STAT1: variants seen among roughly 807,000 people sequenced by gnomAD.
STAT1 encodes the protein signal transducer and activator of transcription 1-alpha/beta.
In STAT1, 24 loss-of-function variants were observed where a neutral mutation model predicts 111.7. The ratio of observed to expected loss-of-function variants is 0.21; its 90% CI spans 0.16 to 0.30. The LOEUF (loss-of-function observed/expected upper bound fraction) is 0.30, where lower values mean the gene tolerates loss of function less well. STAT1 is among the 10% of genes least tolerant of loss of function. The probability of loss-of-function intolerance (pLI) is 1.00; values close to 1 mark genes in which losing one functional copy is unlikely to be tolerated. For missense variants in STAT1, 351 were observed against 911.9 expected, an observed-to-expected ratio of 0.38 and a Z score of 7.92; for synonymous variants, 332 against 326.5, an observed-to-expected ratio of 1.02 and a Z score of -0.18.
rs142788145 is a variant in STAT1 at position 190,982,856 on chromosome 2, C to T, written c.1447-338G>A. On this transcript the variant is annotated intron_variant, in intron 17 of 24. Coordinates refer to ENST00000361099, the MANE Select transcript of STAT1 (RefSeq NM_007315.4). The surrounding 1 kb of genome is among the most constrained non-coding windows in gnomAD (Gnocchi z 7.3). ...AACTGAAGCCAAACAAAATGACACT[C>T]GCTTCCTGTTTCACCTCTCATAAGA... is the stretch of plus-strand genomic sequence containing the variant. 9.2e-5 allele frequency among the ~76,000 whole-genome samples: 14 copies of T among 152,292 alleles called. No homozygotes were observed. The East Asian group carries it at 1.5e-3, about 17-fold the overall frequency.
rs992307159 is a variant in STAT1 at position 190,987,311 on chromosome 2, C to G, written c.1098-243G>C. ...CTGGGCCTTACATTGTTCATTTGCA[C>G]AACATACTAACAGTGCCAACATATA... On this transcript the variant is annotated intron_variant, in intron 12 of 24. Transcript: ENST00000361099. This position sits in a 1 kb window ranked among gnomAD's most constrained non-coding sequence, Gnocchi z 4.0. 6.6e-6 allele frequency among the ~76,000 whole-genome samples: 1 copy of G among 152,126 alleles called. No homozygotes were observed.
Position 190,975,251 on chromosome 2 carries a change from G to A in STAT1, c.2136-319C>T, listed in dbSNP as rs886430032. The stretch of plus-strand genomic sequence containing the variant: ...CACTACCCTGAGATGACAATGCCTC[G>A]TGGCTTACCCTGGACAGAAAAGCAC... On this transcript the variant is annotated intron_variant, in intron 23 of 24. Coordinates refer to ENST00000361099, the MANE Select transcript of STAT1 (RefSeq NM_007315.4). The surrounding 1 kb of genome is among the most constrained non-coding windows in gnomAD (Gnocchi z 5.9). 9 of 457,200 alleles carry A rather than the reference G, an allele frequency of 2.0e-5. No individual in the cohort carries two copies. Among genetic ancestry groups the A allele is most frequent in the African/African-American group, 8.1e-5 (4 of 49,310 alleles). The allele number at this position is 457,200 out of a possible 1,614,324, so 28.3% of individuals were successfully genotyped here.
Position 190,978,243 on chromosome 2 carries a change from A to AT in STAT1, c.1873+612dup, listed in dbSNP as rs1336524831. Among the ~76,000 whole-genome samples, 9 of 152,168 alleles carry AT rather than the reference A, an allele frequency of 5.9e-5. No individual in the cohort carries two copies. The highest frequency in any genetic ancestry group is 1.7e-4 in the African/African-American group (7 of 41,418). On this transcript the variant is annotated intron_variant, in intron 21 of 24. Coordinates refer to ENST00000361099, the MANE Select transcript of STAT1 (RefSeq NM_007315.4). This position sits in a 1 kb window ranked among gnomAD's most constrained non-coding sequence, Gnocchi z 6.1. ...GAAAAGTAATCAGTTGGTCTTTATG[A>AT]TTTTTTCATTTACGCTGTTGAGCTT...
Position 190,984,883 on chromosome 2 carries a change from T to C in STAT1, c.1264-490A>G, listed in dbSNP as rs757005283. Among the ~76,000 whole-genome samples the C allele has an allele frequency of 2.6e-5, 4 of 152,210 alleles. No homozygotes were observed. The highest frequency in any genetic ancestry group is 5.9e-5 in the Non-Finnish European group (4 of 68,036). On this transcript the variant is annotated intron_variant, in intron 15 of 24. Coordinates refer to ENST00000361099, the MANE Select transcript of STAT1 (RefSeq NM_007315.4). The surrounding 1 kb of genome is among the most constrained non-coding windows in gnomAD (Gnocchi z 5.2). ...AAGTGCCTTCATAAGCATTACCTCA[T>C]GTGAGCCTCACAACTTAGAACTAGA...
chr2:190,999,009 AAT>A lies in STAT1; in HGVS notation c.541+615_541+616del, dbSNP rs1270483514. On this transcript the variant is annotated intron_variant, in intron 7 of 24. Transcript: ENST00000361099. The surrounding 1 kb of genome is among the most constrained non-coding windows in gnomAD (Gnocchi z 4.1). The stretch of plus-strand genomic sequence containing the variant: ...GAACCATGGTATACCCCAGATGATG[AAT>A]AGAGTAACAGCAGTACCCTACGTGT... Among the ~76,000 whole-genome samples the A allele has an allele frequency of 6.6e-6, 1 of 152,178 alleles. No homozygotes were observed. The highest frequency in any genetic ancestry group is 2.4e-5 in the African/African-American group (1 of 41,440).
chr2:190,988,758 G>A (rs1471175492), intron 12 of STAT1, among the ~76,000 whole-genome samples: 1 of 152,138 alleles, frequency 6.6e-6, no homozygotes, highest in Non-Finnish European at 1.5e-5. Flanking sequence ...GGAAGACAAG[G>A]CACAGACCAT....
At chr2:191,009,228 T>A (rs1222663850) in intron 3 of STAT1, 121 bp from the exon 4 acceptor site, 4 of 1,258,904 alleles carry the variant, frequency 3.2e-6, no homozygotes. Context: ...TTCTTAGGTT[T>A]ATTTTCTTCT....
At position 191,004,953 on chromosome 2, in the gene STAT1, A is replaced by C. The variant is rs1288089303; in HGVS notation, c.372+2610T>G. ...GCTTTTTCACCACAAAGAAAAAAAG[A>C]AAGAAAAAAACTTAGTGTGCTGTAA... On this transcript the variant is annotated intron_variant, in intron 5 of 24. Transcript: ENST00000361099. The surrounding 1 kb of genome is among the most constrained non-coding windows in gnomAD (Gnocchi z 5.0). 2.6e-5 allele frequency among the ~76,000 whole-genome samples: 4 copies of C among 152,250 alleles called. No homozygotes were observed. The highest frequency in any genetic ancestry group is 4.4e-5 in the Non-Finnish European group (3 of 68,036).
chr2:190,976,728 C>T lies in STAT1; in HGVS notation c.2059+112G>A, dbSNP rs184928793. 4.6e-5 allele frequency: 42 copies of T among 910,036 alleles called. No individual in the cohort carries two copies. The African/African-American group carries it at 6.7e-4, about 14-fold the overall frequency. The allele number at this position is 910,036 out of a possible 1,614,324, so 56.4% of individuals were successfully genotyped here. A position where few individuals can be genotyped will look rare whatever the true frequency, so the allele number is the denominator to read the frequency against. On this transcript the variant is annotated intron_variant, in intron 22 of 24. Transcript: ENST00000361099. The surrounding 1 kb of genome is among the most constrained non-coding windows in gnomAD (Gnocchi z 6.0). Reference sequence around the variant, plus strand: ...CTGAGTTTATGCCATCTTTTGAAAGCCTACTCTTACCAATTCGAAAGCAAA... The same window carrying T: ...CTGAGTTTATGCCATCTTTTGAAAGTCTACTCTTACCAATTCGAAAGCAAA...
chr2:190,978,505 C>A lies in STAT1; in HGVS notation c.1873+351G>T. ...TCTGCACACTCTACTCTGGGATGAC[C>A]CTAAGAGAATGTGGATGCTTACTCC... On this transcript the variant is annotated intron_variant, in intron 21 of 24. Coordinates refer to ENST00000361099, the MANE Select transcript of STAT1 (RefSeq NM_007315.4). The surrounding 1 kb of genome is among the most constrained non-coding windows in gnomAD (Gnocchi z 6.1). 1 of 365,874 alleles carries A rather than the reference C, an allele frequency of 2.7e-6. No homozygotes were observed. Among genetic ancestry groups the A allele is most frequent in the South Asian group, 2.2e-5 (1 of 46,422 alleles). The allele number at this position is 365,874 out of a possible 1,614,324, so 22.7% of individuals were successfully genotyped here.
chr2:190,975,854 C>G lies in STAT1; in HGVS notation c.2093G>C (p.Gly698Ala), dbSNP rs978375887. The G allele has an allele frequency of 6.2e-7, 1 of 1,614,024 alleles. No homozygotes were observed. The highest frequency in any genetic ancestry group is 1.3e-5 in the African/African-American group (1 of 74,908). The change falls in exon 23 of 25, where the codon GGA becomes GCA. Residue 698 changes from glycine to alanine, a missense_variant. Coordinates refer to ENST00000361099, the MANE Select transcript of STAT1 (RefSeq NM_007315.4). The surrounding 1 kb of genome is among the most constrained non-coding windows in gnomAD (Gnocchi z 5.9). ...PEPMELDGPK[G>A]TGYIKTELIS... is the part of the protein sequence containing the mutation. ...CAACTCAGTCTTGATATATCCAGTT[C>G]CTTTAGGGCCATCAAGTTCCATTGG...
rs1201881287 is a variant in STAT1 at position 191,013,593 on chromosome 2, G to A, written c.-70C>T. 2 of 398,474 alleles carry A rather than the reference G, an allele frequency of 5.0e-6. No homozygotes were observed. Among genetic ancestry groups the A allele is most frequent in the African/African-American group, 4.1e-5 (2 of 48,614 alleles). The allele number at this position is 398,474 out of a possible 1,614,324, so 24.7% of individuals were successfully genotyped here. On this transcript the variant is annotated 5_prime_UTR_variant, in exon 2 of 25. Transcript: ENST00000361099. Reference sequence around the variant, plus strand: ...GGAGCAGCTACGCACAGCACGTTAGGTGCCAAGACTGTCGAGGTTATATAC... The same window carrying A: ...GGAGCAGCTACGCACAGCACGTTAGATGCCAAGACTGTCGAGGTTATATAC...
Position 190,984,430 on chromosome 2 carries a change from T to G in STAT1, c.1264-37A>C. On this transcript the variant is annotated intron_variant, in intron 15 of 24. Coordinates refer to ENST00000361099, the MANE Select transcript of STAT1 (RefSeq NM_007315.4). This position sits in a 1 kb window ranked among gnomAD's most constrained non-coding sequence, Gnocchi z 5.2. ...AAAGGAAAGAAGAAAAGAATATAAT[T>G]ATTCACAGATCCTAAAACTTTCAAA... 5 of 1,538,908 alleles carry G rather than the reference T, an allele frequency of 3.2e-6. No individual in the cohort carries two copies. The highest frequency in any genetic ancestry group is 4.5e-6 in the Non-Finnish European group (5 of 1,114,136).
chr2:191,009,433 A>G (rs1694960688), intron 3 of STAT1, among the ~76,000 whole-genome samples: 1 of 55,638 alleles, frequency 1.8e-5, no homozygotes, highest in Non-Finnish European at 6.9e-5. Context: ...ATTAGCAAAT[A>G]ATAAATTTTA....
chr2:191,012,406 A>C lies in STAT1; in HGVS notation c.-2+1119T>G. On this transcript the variant is annotated intron_variant, in intron 2 of 24. Transcript: ENST00000361099. The surrounding 1 kb of genome is among the most constrained non-coding windows in gnomAD (Gnocchi z 4.0). Reference sequence around the variant, plus strand: ...ACTCCAGCCTGGGAGACAGAGAGAGACTCTGTCTCTAAAAAAAAAAAACAA... The same window carrying C: ...ACTCCAGCCTGGGAGACAGAGAGAGCCTCTGTCTCTAAAAAAAAAAAACAA... Among the ~76,000 whole-genome samples, 1 of 142,244 alleles carries C rather than the reference A, an allele frequency of 7.0e-6. No individual in the cohort carries two copies. Among genetic ancestry groups the C allele is most frequent in the African/African-American group, 2.8e-5 (1 of 36,050 alleles). The allele number at this position is 142,244 out of a possible 152,430, so 93.3% of individuals were successfully genotyped here.
chr2:190,997,430 T>C lies in STAT1; in HGVS notation c.785+426A>G, dbSNP rs41333947. Among the ~76,000 whole-genome samples the C allele has an allele frequency of 0.019, 2,944 of 152,322 alleles. 50 individuals carry two copies. Among genetic ancestry groups the C allele is most frequent in the Middle Eastern group, 0.031 (9 of 294 alleles). ...CACTCATCCTTGTGTGCCCAGGTCC[T>C]ACAGTGCCCGGCACACAGTAGGCAT... On this transcript the variant is annotated intron_variant, in intron 9 of 24. Transcript: ENST00000361099. The surrounding 1 kb of genome is among the most constrained non-coding windows in gnomAD (Gnocchi z 7.3).
At position 190,983,369 on chromosome 2, in the gene STAT1, G is replaced by A. The variant is rs1429549665; in HGVS notation, c.1446+273C>T. Among the ~76,000 whole-genome samples the A allele has an allele frequency of 6.6e-6, 1 of 152,194 alleles. No individual in the cohort carries two copies. The highest frequency in any genetic ancestry group is 1.5e-5 in the Non-Finnish European group (1 of 68,040). ...TCTAAGAATGGAGCATGCTTGTTTA[G>A]TAGATGTATACATTTTAAAAATAAT... On this transcript the variant is annotated intron_variant, in intron 17 of 24. Coordinates refer to ENST00000361099, the MANE Select transcript of STAT1 (RefSeq NM_007315.4). The surrounding 1 kb of genome is among the most constrained non-coding windows in gnomAD (Gnocchi z 5.7).
Position 190,984,204 on chromosome 2 carries a change from C to T in STAT1, c.1347+106G>A. On this transcript the variant is annotated intron_variant, in intron 16 of 24. Coordinates refer to ENST00000361099, the MANE Select transcript of STAT1 (RefSeq NM_007315.4). The surrounding 1 kb of genome is among the most constrained non-coding windows in gnomAD (Gnocchi z 5.2). Reference sequence around the variant, plus strand: ...TTAGCTGAAAAAGATCATTTTAAAACAATTAGGTAAATACCTCCAGAACAA... The same window carrying T: ...TTAGCTGAAAAAGATCATTTTAAAATAATTAGGTAAATACCTCCAGAACAA... 2.1e-6 allele frequency: 2 copies of T among 939,968 alleles called. No individual in the cohort carries two copies. The highest frequency in any genetic ancestry group is 3.4e-6 in the Non-Finnish European group (2 of 593,776). 58.2% of individuals were successfully genotyped at this position (939,968 alleles called of 1,614,324 possible). A position where few individuals can be genotyped will look rare whatever the true frequency, so the allele number is the denominator to read the frequency against.
rs190269533 is a variant in STAT1, at chr2:190,982,421, T to C, written c.1544A>G (p.Asn515Ser). 2.1e-5 allele frequency: 34 copies of C among 1,614,192 alleles called. No individual in the cohort carries two copies. The highest frequency in any genetic ancestry group is 1.7e-4 in the Admixed American group (10 of 60,030). ...TCCCAACATGTTCAGCTGGTCCACA[T>C]TGAGACCTCTTTTGGTGACAGAAGA... ...QFSSVTKRGL[N>S]VDQLNMLGEK... Residue 515 changes from asparagine to serine, a missense_variant, in exon 18 of 25, where the codon AAT becomes AGT. By Grantham distance (46) the Asn-to-Ser change is conservative. Coordinates refer to ENST00000361099, the MANE Select transcript of STAT1 (RefSeq NM_007315.4). The surrounding 1 kb of genome is among the most constrained non-coding windows in gnomAD (Gnocchi z 7.3).
Sources: allele counts gnomAD v4.1 joint callset (sites outside exome capture counted in the v4.1 genomes callset), GRCh38; gene constraint gnomAD v4.1.1; non-coding constraint Gnocchi (gnomAD v3.1); transcripts MANE v1.5; gene names NCBI Gene and HGNC (gene_info 2026-07-23, HGNC 2026-07-21).